The following AOPEP variants were observed in gnomAD, a reference collection of about 807,000 sequenced individuals.
AOPEP encodes aminopeptidase O.
AOPEP carries 77 observed loss-of-function variants against 98.1 expected under a neutral mutation model. That is an observed-to-expected ratio of 0.78 (90% confidence interval 0.65 to 0.95). AOPEP has a LOEUF of 0.95. Ranked by LOEUF, AOPEP falls within the 40% of genes least tolerant of loss-of-function variation. The probability of loss-of-function intolerance (pLI) is 0.00; values close to 1 mark genes in which losing one functional copy is unlikely to be tolerated. For synonymous variants in AOPEP, 346 were observed against 365.3 expected (o/e 0.95, Z 0.60); for missense variants, 1,024 against 1,024.7 (o/e 1.00, Z 0.01).
chr9:95,085,072 C>T, intron 16 of AOPEP: 1 of 361,744 alleles, frequency 2.8e-6, no homozygotes, highest in South Asian at 2.1e-5. Flanking sequence ...GAAATTATAC[C>T]TCTAGGATGC....
chr9:94,983,578 C>T (rs2060327179), intron 11 of AOPEP, among the ~76,000 whole-genome samples: 1 of 152,174 alleles, frequency 6.6e-6, no homozygotes, highest in Non-Finnish European at 1.5e-5. Context: ...GACTTTTCCC[C>T]CATGGACAAT....
chr9:94,899,016 C>G (rs2136196698), intron 5 of AOPEP, among the ~76,000 whole-genome samples: 1 of 152,146 alleles, frequency 6.6e-6, no homozygotes, highest in African/African-American at 2.4e-5. Flanking sequence ...ATAATATCAA[C>G]TGAAGAAACA....
intron 5 of AOPEP, among the ~76,000 whole-genome samples, chr9:94,917,075 C>G (rs192125987): frequency 6.6e-6 from 1 of 151,578 alleles, no homozygotes; most frequent in Non-Finnish European, 1.5e-5. Flanking sequence ...ACCCCACCCC[C>G]AGGCTAAGGC....
At chr9:94,946,734 C>T (rs1045683672) in intron 7 of AOPEP, among the ~76,000 whole-genome samples, 7 of 152,160 alleles carry the variant, frequency 4.6e-5, no homozygotes, top group African/African-American at 1.7e-4. Flanking sequence ...AGCATATATA[C>T]CGCATGCCTG....
chr9:95,136,922 C>A, the AOPEP span, among the ~76,000 whole-genome samples: 15 of 152,332 alleles, frequency 9.8e-5, no homozygotes, highest in South Asian at 3.1e-3. Context: ...GCCCCAACTG[C>A]TGGCTCTGGG....
the AOPEP span, among the ~76,000 whole-genome samples, chr9:95,105,482 C>T: frequency 6.6e-6 from 1 of 152,224 alleles, no homozygotes. Flanking sequence ...AGCCAGCATG[C>T]TGGTGCTTTT....
In AOPEP at chr9:94,972,906, G is replaced by A. The variant is rs138602693; in HGVS notation, c.1916+5105G>A. On this transcript the variant is annotated intron_variant, in intron 10 of 16. Coordinates refer to ENST00000375315, the MANE Select transcript of AOPEP (RefSeq NM_001193329.3). This position sits in a 1 kb window ranked among gnomAD's most constrained non-coding sequence, Gnocchi z 4.2. Reference sequence around the variant, plus strand: ...ATGAGCTGAGATTGCACCACTGCACGCCAGCCTGGGAGACAGAGTGAGACC... The same window carrying A: ...ATGAGCTGAGATTGCACCACTGCACACCAGCCTGGGAGACAGAGTGAGACC... Among the ~76,000 whole-genome samples the A allele has an allele frequency of 3.0e-3, 455 of 151,906 alleles. No homozygotes were observed. The highest frequency in any genetic ancestry group is 0.011 in the African/African-American group (441 of 41,420).
intron 7 of AOPEP, among the ~76,000 whole-genome samples, chr9:94,936,781 C>G (rs988945961): frequency 2.6e-5 from 4 of 152,194 alleles, no homozygotes; most frequent in Non-Finnish European, 4.4e-5. Flanking sequence ...TTTTGACCAA[C>G]CAACTATAAA....
intron 5 of AOPEP, among the ~76,000 whole-genome samples, chr9:94,886,231 A>G (rs1199496838): frequency 6.6e-6 from 1 of 152,184 alleles, no homozygotes; most frequent in Non-Finnish European, 1.5e-5. Flanking sequence ...GAAATTTCCT[A>G]GCTACTTTCT....
chr9:94,809,408 T>C lies in AOPEP; in HGVS notation c.1364+8406T>C, dbSNP rs143913629. Among the ~76,000 whole-genome samples the C allele has an allele frequency of 8.5e-5, 13 of 152,366 alleles. No individual in the cohort carries two copies. In the East Asian group the frequency reaches 2.5e-3, roughly 29 times the overall value. Reference sequence around the variant, plus strand: ...AGCCCTTTTTACAGTGAGCATTTCATGGAACCACTGTGGTTTCAAAAAAAC... The same window carrying C: ...AGCCCTTTTTACAGTGAGCATTTCACGGAACCACTGTGGTTTCAAAAAAAC... On this transcript the variant is annotated intron_variant, in intron 5 of 16. Transcript: ENST00000375315.
At chr9:94,975,281 G>A (rs1385125282) in intron 10 of AOPEP, among the ~76,000 whole-genome samples, 1 of 152,106 alleles carries the variant, frequency 6.6e-6, no homozygotes, top group Admixed American at 6.5e-5. Context: ...TATTGGTCTT[G>A]CACAGTTATT....
chr9:94,839,425 A>G (rs549475355), intron 5 of AOPEP, among the ~76,000 whole-genome samples: 24 of 151,926 alleles, frequency 1.6e-4, no homozygotes, highest in Non-Finnish European at 2.9e-4. Context: ...GGGTTTCACT[A>G]TGTTGGCCAG....
At chr9:94,823,694 C>T (rs1163653651) in intron 5 of AOPEP, among the ~76,000 whole-genome samples, 3 of 147,450 alleles carry the variant, frequency 2.0e-5, no homozygotes, top group Non-Finnish European at 4.5e-5. Flanking sequence ...TGTCTGGGAG[C>T]GTGAATTTTT....
At chr9:94,847,907 A>G (rs1247079189) in intron 5 of AOPEP, among the ~76,000 whole-genome samples, 2 of 152,160 alleles carry the variant, frequency 1.3e-5, no homozygotes, top group African/African-American at 4.8e-5. Flanking sequence ...CTAGTTCTTT[A>G]CTTGGTCCTT....
At chr9:94,754,673 G>A (rs1474050336) in intron 1 of AOPEP, among the ~76,000 whole-genome samples, 1 of 152,210 alleles carries the variant, frequency 6.6e-6, no homozygotes, top group Admixed American at 6.5e-5. Context: ...AACCTGCTGT[G>A]TTGAGGATAC....
intron 5 of AOPEP, among the ~76,000 whole-genome samples, chr9:94,855,459 C>T (rs1312751528): frequency 1.3e-5 from 2 of 151,462 alleles, no homozygotes; most frequent in Non-Finnish European, 2.9e-5. Context: ...GAGGCTGAGG[C>T]GGGCGGATCA....
At chr9:94,992,351 G>A (rs1230811491) in intron 11 of AOPEP, among the ~76,000 whole-genome samples, 1 of 152,168 alleles carries the variant, frequency 6.6e-6, no homozygotes, top group African/African-American at 2.4e-5. Context: ...CCTCCAGCTT[G>A]GGCCTTTACG....
intron 5 of AOPEP, among the ~76,000 whole-genome samples, chr9:94,805,168 ATTTT>A (rs896581280): frequency 6.9e-6 from 1 of 145,732 alleles, no homozygotes; most frequent in Non-Finnish European, 1.5e-5. Context: ...AAGAGATCAA[ATTTT>A]TTTTTTTTTT....
the AOPEP span, among the ~76,000 whole-genome samples, chr9:95,139,049 G>A: frequency 2.6e-5 from 4 of 152,164 alleles, no homozygotes; most frequent in Admixed American, 6.5e-5. Flanking sequence ...AGGAATCGCC[G>A]AAGCAGTATC....
Sources: allele counts gnomAD v4.1 joint callset (sites outside exome capture counted in the v4.1 genomes callset), GRCh38; gene constraint gnomAD v4.1.1; non-coding constraint Gnocchi (gnomAD v3.1); transcripts MANE v1.5; gene names NCBI Gene and HGNC (gene_info 2026-07-23, HGNC 2026-07-21).